ADARB2: variants seen among roughly 807,000 people sequenced by gnomAD.
The protein encoded by ADARB2 is inactive double-stranded RNA-specific editase B2.
Under a neutral mutation model 62.2 loss-of-function variants are expected in ADARB2, and 25 were observed. The ratio of observed to expected loss-of-function variants is 0.40; its 90% CI spans 0.29 to 0.56. The LOEUF is 0.56. Among genes scored for constraint, ADARB2 ranks in the 20% least tolerant of loss-of-function variants. ADARB2 has a pLI of 0.43. For missense variants in ADARB2, 1,071 were observed against 1,077.4 expected (o/e 0.99, Z 0.08); for synonymous variants, 572 against 500.8 (o/e 1.14, Z -1.90).
chr10:1,269,458 G>A (rs1313054157), intron 4 of ADARB2, among the ~76,000 whole-genome samples: 1 of 152,170 alleles, frequency 6.6e-6, no homozygotes, highest in Non-Finnish European at 1.5e-5. Context: ...ACACTTACAT[G>A]GTACTTGCCA....
chr10:1,312,171 G>A (rs2131823269), intron 3 of ADARB2, among the ~76,000 whole-genome samples: 1 of 152,372 alleles, frequency 6.6e-6, no homozygotes, highest in East Asian at 1.9e-4. Flanking sequence ...AAGTTTCACT[G>A]ACTCTTGCTT....
chr10:1,227,827 A>G (rs187399167), intron 6 of ADARB2, among the ~76,000 whole-genome samples: 1 of 152,352 alleles, frequency 6.6e-6, no homozygotes, highest in Admixed American at 6.5e-5. Context: ...TTCAAAAGGC[A>G]TATCCCAGAA....
chr10:1,274,654 C>T (rs1202591726), intron 3 of ADARB2, among the ~76,000 whole-genome samples: 7 of 152,170 alleles, frequency 4.6e-5, no homozygotes, highest in South Asian at 2.1e-4. Flanking sequence ...TGCTCTGTCC[C>T]CTTAGAGATG....
At chr10:1,528,357 C>G (rs1030087328) in intron 1 of ADARB2, among the ~76,000 whole-genome samples, 2 of 152,182 alleles carry the variant, frequency 1.3e-5, no homozygotes, top group African/African-American at 4.8e-5. Flanking sequence ...GAACCCCTGG[C>G]CACATTTCAT....
chr10:1,183,429 G>A (rs1174548468), intron 9 of ADARB2, 60 bp from the exon 10 acceptor site: 1 of 1,582,608 alleles, frequency 6.3e-7, no homozygotes, highest in East Asian at 2.3e-5. Context: ...CTTCTGCTAG[G>A]TGAGTTTTAC....
chr10:1,215,624 T>TG (rs1353363469), intron 7 of ADARB2: 1 of 152,256 alleles, frequency 6.6e-6, no homozygotes, highest in East Asian at 1.9e-4. Context: ...TTGCACCAAA[T>TG]GCGCTGTTTT....
At chr10:1,540,788 C>T (rs1344039832) in intron 1 of ADARB2, among the ~76,000 whole-genome samples, 1 of 49,184 alleles carries the variant, frequency 2.0e-5, no homozygotes, top group African/African-American at 5.8e-5. Flanking sequence ...AGATGTAGTT[C>T]AGACCCTGGA....
intron 1 of ADARB2, among the ~76,000 whole-genome samples, chr10:1,656,298 T>G (rs1834171232): frequency 6.6e-6 from 1 of 152,226 alleles, no homozygotes; most frequent in Non-Finnish European, 1.5e-5. Flanking sequence ...ACGTCGAACC[T>G]AGGGACTCAT....
At chr10:1,371,518 AC>A (rs1832371722) in intron 2 of ADARB2, among the ~76,000 whole-genome samples, 1 of 152,212 alleles carries the variant, frequency 6.6e-6, no homozygotes, top group Non-Finnish European at 1.5e-5. Flanking sequence ...CAGACAACCT[AC>A]AAAATGGGAT....
In ADARB2 at chr10:1,477,245, T is replaced by C. The variant is rs1831414092; in HGVS notation, c.101-98085A>G. On this transcript the variant is annotated intron_variant, in intron 1 of 9. Coordinates refer to ENST00000381312, the MANE Select transcript of ADARB2 (RefSeq NM_018702.4). This position sits in a 1 kb window ranked among gnomAD's most constrained non-coding sequence, Gnocchi z 4.5. ...TCAGAAGTGTGGAGTCCTGATAAGATTAGTAAGTAACGTTGAGGAAGGCGC... is the reference window on the plus strand; with the variant it reads ...TCAGAAGTGTGGAGTCCTGATAAGACTAGTAAGTAACGTTGAGGAAGGCGC... Among the ~76,000 whole-genome samples the C allele has an allele frequency of 1.3e-5, 2 of 152,146 alleles. No individual in the cohort carries two copies. The highest frequency in any genetic ancestry group is 4.8e-5 in the African/African-American group (2 of 41,442).
chr10:1,594,488 G>T (rs977559866), intron 1 of ADARB2, among the ~76,000 whole-genome samples: 1 of 151,992 alleles, frequency 6.6e-6, no homozygotes, highest in Non-Finnish European at 1.5e-5. Flanking sequence ...CCAGTCTGTT[G>T]GAAAGGATTT....
At chr10:1,282,989 G>T (rs1831383112) in intron 3 of ADARB2, among the ~76,000 whole-genome samples, 1 of 152,120 alleles carries the variant, frequency 6.6e-6, no homozygotes, top group South Asian at 2.1e-4. Context: ...CTCTACAGAG[G>T]CTCCTAGGGT....
chr10:1,416,287 G>T (rs1832801022), intron 1 of ADARB2, among the ~76,000 whole-genome samples: 1 of 152,222 alleles, frequency 6.6e-6, no homozygotes, highest in Non-Finnish European at 1.5e-5. Flanking sequence ...TTGAATAAAT[G>T]AATTATTGGG....
At chr10:1,420,931 A>G (rs1199585680) in intron 1 of ADARB2, among the ~76,000 whole-genome samples, 2 of 152,044 alleles carry the variant, frequency 1.3e-5, no homozygotes, top group Admixed American at 1.3e-4. Context: ...TCCCAATGAA[A>G]GCGAAATGTT....
chr10:1,220,526 A>G (rs771817568), intron 6 of ADARB2, among the ~76,000 whole-genome samples: 2 of 152,196 alleles, frequency 1.3e-5, no homozygotes, highest in African/African-American at 2.4e-5. Flanking sequence ...ATGAACATCA[A>G]CTTTCTGCGG....
intron 1 of ADARB2, among the ~76,000 whole-genome samples, chr10:1,721,275 A>C (rs12252680): frequency 0.05 from 7,649 of 152,328 alleles, 624 homozygotes; most frequent in African/African-American, 0.17. Context: ...TACAAACCAA[A>C]ATATTGCAAG....
At chr10:1,291,666 G>A (rs1831467328) in intron 3 of ADARB2, 1 of 152,254 alleles carries the variant, frequency 6.6e-6, no homozygotes, top group Admixed American at 6.5e-5. Context: ...AAGCATCTCA[G>A]ACGAAGCCAC....
chr10:1,386,659 T>TA (rs1451501609), intron 1 of ADARB2, among the ~76,000 whole-genome samples: 3 of 151,892 alleles, frequency 2.0e-5, no homozygotes, highest in Non-Finnish European at 3.0e-5. Context: ...ACAACATGAA[T>TA]AAAAAACTAG....
rs942790590 is a variant in ADARB2, at chr10:1,180,131, A to C, written c.*3062T>G. ...GAGGGCGAAATCCTCAGGCTTCAAC[A>C]CGAGCCCTTCCATCTCTGCAGAGGT... On this transcript the variant is annotated 3_prime_UTR_variant, in exon 10 of 10. Transcript: ENST00000381312. The C allele has an allele frequency of 6.6e-5, 10 of 152,314 alleles. No individual in the cohort carries two copies. The highest frequency in any genetic ancestry group is 2.4e-4 in the African/African-American group (10 of 41,526). The allele number at this position is 152,314 out of a possible 1,614,324, so 9.4% of individuals were successfully genotyped here.
Sources: gnomAD v4.1 joint callset for allele counts (sites outside exome capture counted in the v4.1 genomes callset) on GRCh38, gnomAD v4.1.1 for gene constraint, Gnocchi (gnomAD v3.1) non-coding constraint, MANE v1.5 for transcripts, NCBI Gene and HGNC (gene_info 2026-07-23, HGNC 2026-07-21) for gene names.